The following SLC38A7 variants were observed in gnomAD, a reference collection of about 807,000 sequenced individuals.
SLC38A7 encodes the protein sodium-coupled neutral amino acid transporter 7.
Under a neutral mutation model 50.1 loss-of-function variants are expected in SLC38A7, and 29 were observed. That is an observed-to-expected ratio of 0.58 (90% confidence interval 0.43 to 0.79). The LOEUF (loss-of-function observed/expected upper bound fraction) is 0.79, where lower values mean the gene tolerates loss of function less well. Among genes scored for constraint, SLC38A7 ranks in the 30% least tolerant of loss-of-function variants. The probability of loss-of-function intolerance (pLI) is 0.00; values close to 1 mark genes in which losing one functional copy is unlikely to be tolerated. For synonymous variants in SLC38A7, 244 were observed against 245.9 expected (o/e 0.99, Z 0.07); for missense variants, 483 against 610.6 (o/e 0.79, Z 2.20).
chr16:58,678,353 A>C lies in SLC38A7; in HGVS notation c.591T>G (p.Ile197Met). 6.4e-7 allele frequency: 1 copy of C among 1,569,160 alleles called. No homozygotes were observed. Among genetic ancestry groups the C allele is most frequent in the South Asian group, 1.2e-5 (1 of 83,320 alleles). Reference protein sequence around the residue: ...FILPLSIPREIGFQKYASFLS... With the variant: ...FILPLSIPREMGFQKYASFLS... ...CAAACCTGGCATATTTCTGGAAACCAATCTCCCTGGGGATGGAGAGGGGCA... is the reference window on the plus strand; with the variant it reads ...CAAACCTGGCATATTTCTGGAAACCCATCTCCCTGGGGATGGAGAGGGGCA... Residue 197 changes from isoleucine to methionine, a missense_variant, in exon 5 of 12, where the codon ATT becomes ATG. Coordinates refer to ENST00000219320, the MANE Select transcript of SLC38A7 (RefSeq NM_018231.3). The surrounding 1 kb of genome is among the most constrained non-coding windows in gnomAD (Gnocchi z 4.0).
chr16:58,670,228 C>T (rs1435022444), intron 10 of SLC38A7, 61 bp from the exon 11 acceptor site: 4 of 1,525,974 alleles, frequency 2.6e-6, no homozygotes, highest in East Asian at 2.3e-5. Context: ...CCCTCCTAGC[C>T]ACCTCCTTTC....
chr16:58,682,406 C>T (rs1468545657), intron 2 of SLC38A7, among the ~76,000 whole-genome samples: 10 of 151,924 alleles, frequency 6.6e-5, no homozygotes, highest in African/African-American at 1.5e-4. Flanking sequence ...TCCTGAGTCC[C>T]GATTTCACGG....
At chr16:58,682,521 G>A (rs867097972) in intron 2 of SLC38A7, among the ~76,000 whole-genome samples, 2 of 151,640 alleles carry the variant, frequency 1.3e-5, no homozygotes, top group Admixed American at 6.6e-5. Context: ...GTGCAGTGGC[G>A]CAATCAGAGC....
At chr16:58,679,048 G>A (rs1356796849) in intron 3 of SLC38A7, among the ~76,000 whole-genome samples, 154 bp from the exon 4 acceptor site, 1 of 152,248 alleles carries the variant, frequency 6.6e-6, no homozygotes, top group Non-Finnish European at 1.5e-5. Flanking sequence ...GCCGAGTTGA[G>A]ATTTTCTTTA....
At position 58,678,740 on chromosome 16, in the gene SLC38A7, G is replaced by A; in HGVS notation, c.425C>T (p.Thr142Ile). The A allele has an allele frequency of 6.2e-7, 1 of 1,614,182 alleles. No individual in the cohort carries two copies. The highest frequency in any genetic ancestry group is 8.5e-7 in the Non-Finnish European group (1 of 1,180,022). ...AATGATGATTAGGAAGGCAATGCAG[G>A]TGCCAAAGGTGTAGACAGCGATGGC... ...EVAIAVYTFG[T>I]CIAFLIIIGD... Residue 142 changes from threonine to isoleucine, a missense_variant, in exon 4 of 12, where the codon ACC (threonine) becomes ATC (isoleucine). Physicochemically the swap from Thr to Ile is moderately conservative, Grantham distance 89. Coordinates refer to ENST00000219320, the MANE Select transcript of SLC38A7 (RefSeq NM_018231.3). This position sits in a 1 kb window ranked among gnomAD's most constrained non-coding sequence, Gnocchi z 4.0.
At chr16:58,669,878 G>A (rs2152074857) in intron 11 of SLC38A7, among the ~76,000 whole-genome samples, 1 of 152,070 alleles carries the variant, frequency 6.6e-6, no homozygotes. Flanking sequence ...GGGAGGCTGA[G>A]GCACGAGAAT....
chr16:58,680,057 G>A lies in SLC38A7; in HGVS notation c.70C>T (p.Arg24Trp), dbSNP rs748112386. 2.0e-5 allele frequency: 32 copies of A among 1,586,570 alleles called. No individual in the cohort carries two copies. Among genetic ancestry groups the A allele is most frequent in the South Asian group, 1.3e-4 (11 of 87,090 alleles). ...DLSTDAGERA[R>W]LLQSPCVDTA... ...TCCACACAGGGACTCTGCAGCAGCC[G>A]AGCCCGCTCCCCGGCATCCGTGCTC... Residue 24 changes from arginine (R) to tryptophan (W), a missense_variant, in exon 3 of 12, where the codon CGG becomes TGG. Physicochemically the swap from Arg to Trp is moderately radical, Grantham distance 101. Transcript: ENST00000219320.
In SLC38A7 at chr16:58,678,435, C is replaced by T; in HGVS notation, c.509G>A (p.Gly170Asp). ...GAACTTGCGGTCTGTGTACCAAGGG[C>T]CGCTGGCCCCCTCCGGCTCTTTCGC... ...VMAKEPEGASGPWYTDRKFTI... is the reference protein window; with the variant it reads ...VMAKEPEGASDPWYTDRKFTI... Residue 170 changes from glycine (G) to aspartate (D), a missense_variant, in exon 5 of 12, where the codon GGC (glycine) becomes GAC (aspartate). Coordinates refer to ENST00000219320, the MANE Select transcript of SLC38A7 (RefSeq NM_018231.3). The surrounding 1 kb of genome is among the most constrained non-coding windows in gnomAD (Gnocchi z 4.0). The T allele has an allele frequency of 6.3e-7, 1 of 1,579,388 alleles. No homozygotes were observed. The highest frequency in any genetic ancestry group is 8.6e-7 in the Non-Finnish European group (1 of 1,162,894).
At chr16:58,672,549 T>C (rs2044179979) in intron 8 of SLC38A7, among the ~76,000 whole-genome samples, 1 of 152,208 alleles carries the variant, frequency 6.6e-6, no homozygotes, top group South Asian at 2.1e-4. Flanking sequence ...TCCTTATCAT[T>C]TGGGTCTCAG....
At position 58,678,321 on chromosome 16, in the gene SLC38A7, G is replaced by A; in HGVS notation, c.611+12C>T. On this transcript the variant is annotated intron_variant, in intron 5 of 11. Transcript: ENST00000219320. This position sits in a 1 kb window ranked among gnomAD's most constrained non-coding sequence, Gnocchi z 4.0. ...CATAGCTTCTGTCTGACCCAGGCTG[G>A]GGCCTCCAAACCTGGCATATTTCTG... 2 of 1,537,614 alleles carry A rather than the reference G, an allele frequency of 1.3e-6. No homozygotes were observed. The highest frequency in any genetic ancestry group is 1.8e-6 in the Non-Finnish European group (2 of 1,141,210).
At chr16:58,668,883 C>T (rs2044100671) in intron 11 of SLC38A7, among the ~76,000 whole-genome samples, 1 of 150,562 alleles carries the variant, frequency 6.6e-6, no homozygotes, top group Non-Finnish European at 1.5e-5. Flanking sequence ...AGCAATTCTC[C>T]TACCTCAGCC....
intron 11 of SLC38A7, among the ~76,000 whole-genome samples, chr16:58,669,103 C>CTTT (rs71155293): frequency 9.2e-5 from 5 of 54,594 alleles, no homozygotes; most frequent in Non-Finnish European, 1.6e-4. Flanking sequence ...GTTTGTATGG[C>CTTT]TTTTTTTTTT....
Position 58,676,343 on chromosome 16 carries a change from C to T in SLC38A7, c.714G>A (p.Pro238=), listed in dbSNP as rs557831208. ...EMTPGNILTR[P]ASWMAVFNAM... ...CATTGAACACAGCCATCCAGGAAGCCGGCCTGTGAACAAACACACATGGTG... is the reference window on the plus strand; with the variant it reads ...CATTGAACACAGCCATCCAGGAAGCTGGCCTGTGAACAAACACACATGGTG... The change falls in exon 7 of 12, where the codon CCG becomes CCA. Residue 238 remains proline (P), a synonymous_variant. Transcript: ENST00000219320. 1.7e-5 allele frequency: 28 copies of T among 1,614,140 alleles called. No homozygotes were observed. The East Asian group carries it at 2.2e-4, about 13-fold the overall frequency.
chr16:58,676,405 C>T (rs1597673230), intron 6 of SLC38A7, 59 bp from the exon 7 acceptor site: 3 of 1,586,882 alleles, frequency 1.9e-6, no homozygotes, highest in East Asian at 2.2e-5. Context: ...ACAACCCACC[C>T]CACGCCCTCA....
In SLC38A7 at chr16:58,678,889, C is replaced by T; in HGVS notation, c.276G>A (p.Met92Ile). The change falls in exon 4 of 12, where the codon ATG becomes ATA. Residue 92 changes from methionine (M) to isoleucine (I), a missense_variant. Met to Ile is a conservative substitution (Grantham distance 10). Coordinates refer to ENST00000219320, the MANE Select transcript of SLC38A7 (RefSeq NM_018231.3). The surrounding 1 kb of genome is among the most constrained non-coding windows in gnomAD (Gnocchi z 4.0). ...VAAGIALQMGMLVFIISGLVI... is the reference protein window; with the variant it reads ...VAAGIALQMGILVFIISGLVI... Reference sequence around the variant, plus strand: ...CAAGGCCACTGATGATGAAAACCAGCATACCCTGCAGGCAGAGGCAGAACA... The same window carrying T: ...CAAGGCCACTGATGATGAAAACCAGTATACCCTGCAGGCAGAGGCAGAACA... 1 of 1,612,804 alleles carries T rather than the reference C, an allele frequency of 6.2e-7. No individual in the cohort carries two copies.
chr16:58,665,150 C>T lies in SLC38A7; in HGVS notation c.*2235G>A, dbSNP rs958515608. ...CTTTTATTAACCATCTTCCCTTTCT[C>T]GAGTATACACAAGTAGAAAAGAAAC... On this transcript the variant is annotated 3_prime_UTR_variant, in exon 12 of 12. Coordinates refer to ENST00000219320, the MANE Select transcript of SLC38A7 (RefSeq NM_018231.3). 1 of 152,252 alleles carries T rather than the reference C, an allele frequency of 6.6e-6. No homozygotes were observed. The highest frequency in any genetic ancestry group is 1.5e-5 in the Non-Finnish European group (1 of 68,116). 9.4% of individuals were successfully genotyped at this position (152,252 alleles called of 1,614,324 possible). A position where few individuals can be genotyped will look rare whatever the true frequency, so the allele number is the denominator to read the frequency against.
chr16:58,672,225 G>T lies in SLC38A7; in HGVS notation c.902C>A (p.Thr301Asn). 1 of 1,583,864 alleles carries T rather than the reference G, an allele frequency of 6.3e-7. No homozygotes were observed. Residue 301 changes from threonine (T) to asparagine (N), a missense_variant, in exon 9 of 12, where the codon ACC (threonine) becomes AAC (asparagine). Transcript: ENST00000219320. ...GTCAGGATCCACAGCAGCTCCAAAG[G>T]TCAGGAAGCCACAGATGCCTGTGGG... ...YMGTGICGFL[T>N]FGAAVDPDVL...
chr16:58,682,966 C>T (rs1324352153), intron 2 of SLC38A7, among the ~76,000 whole-genome samples: 4 of 151,592 alleles, frequency 2.6e-5, no homozygotes, highest in Non-Finnish European at 1.5e-5. Context: ...ACAAAATTGG[C>T]CTTTCAAAAT....
At chr16:58,669,969 C>T (rs1349685731) in intron 11 of SLC38A7, 144 bp downstream of exon 11, 21 of 712,886 alleles carry the variant, frequency 2.9e-5, no homozygotes, top group East Asian at 1.7e-4. Context: ...AGCGAGACTC[C>T]GGCTCAAAAA....
Sources: allele counts gnomAD v4.1 joint callset (sites outside exome capture counted in the v4.1 genomes callset), GRCh38; gene constraint gnomAD v4.1.1; non-coding constraint Gnocchi (gnomAD v3.1); transcripts MANE v1.5; gene names NCBI Gene and HGNC (gene_info 2026-07-23, HGNC 2026-07-21).